The following RAD50 variants were observed in gnomAD, a reference collection of about 807,000 sequenced individuals.
RAD50 encodes the protein RAD50 double strand break repair protein, also known as DNA repair protein RAD50.
RAD50 carries 132 observed loss-of-function variants against 168.8 expected under a neutral mutation model. The ratio of observed to expected loss-of-function variants is 0.78; its 90% CI spans 0.68 to 0.90. RAD50 has a LOEUF of 0.90. Among genes scored for constraint, RAD50 ranks in the 40% least tolerant of loss-of-function variants. The pLI is 0.00. For synonymous variants in RAD50, 525 were observed against 497.4 expected, an observed-to-expected ratio of 1.06 and a Z score of -0.74; for missense variants, 1,347 against 1,534.4, an observed-to-expected ratio of 0.88 and a Z score of 2.04.
chr5:132,566,257 G>A (rs944872891), intron 2 of RAD50, among the ~76,000 whole-genome samples: 27 of 152,150 alleles, frequency 1.8e-4, no homozygotes, highest in Non-Finnish European at 2.8e-4. Context: ...GATGTTTGCC[G>A]GGTAGCTAGG....
chr5:132,575,831 A>G lies in RAD50; in HGVS notation c.268A>G (p.Asn90Asp), dbSNP rs1351371742. 6.2e-7 allele frequency: 1 copy of G among 1,602,296 alleles called. No individual in the cohort carries two copies. The highest frequency in any genetic ancestry group is 1.7e-5 in the Admixed American group (1 of 60,010). The part of the protein sequence containing the change: ...AQIRLQFRDV[N>D]GELIAVQRSM... Reference sequence around the variant, plus strand: ...GATTCGTCTGCAATTTCGTGATGTCAATGGAGAACTTATAGCTGTGCAAAG... The same window carrying G: ...GATTCGTCTGCAATTTCGTGATGTCGATGGAGAACTTATAGCTGTGCAAAG... Residue 90 changes from asparagine to aspartate, a missense_variant, in exon 3 of 25, where the codon AAT becomes GAT. By Grantham distance (23) the Asn-to-Asp change is conservative. Coordinates refer to ENST00000378823, the MANE Select transcript of RAD50 (RefSeq NM_005732.4).
chr5:132,613,909 T>G (rs1751131763), intron 19 of RAD50, among the ~76,000 whole-genome samples: 1 of 152,170 alleles, frequency 6.6e-6, no homozygotes, highest in African/African-American at 2.4e-5. Flanking sequence ...ACAATAGTTC[T>G]TTATGATAGA....
rs532712957 is a variant in RAD50 at position 132,629,218 on chromosome 5, T to C, written c.3390-7897T>C. Among the ~76,000 whole-genome samples the C allele has an allele frequency of 2.9e-4, 44 of 152,358 alleles. No homozygotes were observed. In the South Asian group the frequency reaches 5.0e-3, roughly 17 times the overall value. On this transcript the variant is annotated intron_variant, in intron 21 of 24. Coordinates refer to ENST00000378823, the MANE Select transcript of RAD50 (RefSeq NM_005732.4). ...TAAAAAAGAATTCAACAACCCTTGC[T>C]CTGCCACTTTCTTGTCAGGCTCTGG...
intron 19 of RAD50, among the ~76,000 whole-genome samples, chr5:132,614,287 A>T (rs1226009914): frequency 6.6e-6 from 1 of 152,210 alleles, no homozygotes; most frequent in Non-Finnish European, 1.5e-5. Flanking sequence ...GCAGTAGCAC[A>T]TTCCCTTGTT....
chr5:132,600,063 A>G (rs538171964), intron 13 of RAD50: 2 of 152,224 alleles, frequency 1.3e-5, no homozygotes, highest in Non-Finnish European at 2.9e-5. Flanking sequence ...CACCTTTAGA[A>G]TATGCCCTTG....
intron 21 of RAD50, among the ~76,000 whole-genome samples, chr5:132,628,849 GA>G (rs973538884): frequency 2.1e-5 from 3 of 145,312 alleles, no homozygotes; most frequent in African/African-American, 2.5e-5. Context: ...AACTGTCTCA[GA>G]AAAAAAAAAG....
In RAD50 at chr5:132,595,674, G is replaced by A. The variant is rs1750778484; in HGVS notation, c.2071G>A (p.Glu691Lys). 6.2e-7 allele frequency: 1 copy of A among 1,613,880 alleles called. No homozygotes were observed. Among genetic ancestry groups the A allele is most frequent in the Admixed American group, 1.7e-5 (1 of 60,008 alleles). Residue 691 changes from glutamate to lysine, a missense_variant, in exon 13 of 25, where the codon GAG becomes AAG. By Grantham distance (56) the Glu-to-Lys change is moderately conservative. Transcript: ENST00000378823. ...CGTTTGTCAGAGAGTTTTTCAGACA[G>A]AGGCTGAGTTACAAGAAGTCATCAG... ...CPVCQRVFQT[E>K]AELQEVISDL... is the part of the protein sequence containing the mutation.
Position 132,643,205 on chromosome 5 carries a change from AG to A in RAD50, c.*843del. On this transcript the variant is annotated 3_prime_UTR_variant, in exon 25 of 25. Coordinates refer to ENST00000378823, the MANE Select transcript of RAD50 (RefSeq NM_005732.4). ...CTCTAAGTGGGCATTGCCATGTGGA[AG>A]GCAAGCCAGGCTCACTCACAGAGTC... 1 of 363,814 alleles carries A rather than the reference AG, an allele frequency of 2.7e-6. No individual in the cohort carries two copies. The highest frequency in any genetic ancestry group is 2.7e-5 in the Admixed American group (1 of 37,178). The allele number at this position is 363,814 out of a possible 1,614,324, so 22.5% of individuals were successfully genotyped here. A position where few individuals can be genotyped will look rare whatever the true frequency, so the allele number is the denominator to read the frequency against.
intron 2 of RAD50, among the ~76,000 whole-genome samples, chr5:132,573,957 A>G (rs1452576789): frequency 6.6e-6 from 1 of 152,220 alleles, no homozygotes; most frequent in Non-Finnish European, 1.5e-5. Flanking sequence ...TTTGCAGGGT[A>G]TAGCCTCCTT....
At chr5:132,631,603 A>G (rs1245875232) in intron 21 of RAD50, among the ~76,000 whole-genome samples, 2 of 152,200 alleles carry the variant, frequency 1.3e-5, no homozygotes, top group Non-Finnish European at 2.9e-5. Context: ...CCAGACAGTC[A>G]TGGACTTTCA....
intron 21 of RAD50, among the ~76,000 whole-genome samples, chr5:132,619,837 TATATATATATATATAAAG>T (rs1403684475): frequency 7.6e-4 from 85 of 111,460 alleles, no homozygotes; most frequent in South Asian, 1.9e-3. Context: ...TCTCTCTCTC[TATATATATATATATAAAG>T]ATATATATAT....
chr5:132,586,841 C>G (rs1750602785), intron 5 of RAD50, among the ~76,000 whole-genome samples: 1 of 152,016 alleles, frequency 6.6e-6, no homozygotes, highest in Admixed American at 6.6e-5. Flanking sequence ...GCCACTCCAG[C>G]CAGGGCAACA....
chr5:132,632,877 T>A (rs1326343204), intron 21 of RAD50, among the ~76,000 whole-genome samples: 1 of 152,204 alleles, frequency 6.6e-6, no homozygotes, highest in Admixed American at 6.5e-5. Flanking sequence ...AATTTACATT[T>A]CCCTCTTTAC....
At chr5:132,577,802 ATTTTTT>A (rs923754085) in intron 3 of RAD50, among the ~76,000 whole-genome samples, 2,173 of 84,364 alleles carry the variant, frequency 0.026, 58 homozygotes, top group African/African-American at 0.12. Context: ...CCCATTTCTG[ATTTTTT>A]TTTTTTTTTT....
chr5:132,625,904 C>CT (rs1263606191), intron 21 of RAD50, among the ~76,000 whole-genome samples: 176 of 145,486 alleles, frequency 1.2e-3, no homozygotes, highest in Non-Finnish European at 1.1e-3. Context: ...ATATGAACAA[C>CT]TTTTTTTTTT....
At chr5:132,639,246 G>A (rs377142195) in intron 23 of RAD50, among the ~76,000 whole-genome samples, 2 of 151,814 alleles carry the variant, frequency 1.3e-5, no homozygotes, top group Non-Finnish European at 2.9e-5. Context: ...CCAGCTACTC[G>A]GGAGGCTGAG....
At position 132,642,517 on chromosome 5, in the gene RAD50, C is replaced by A; in HGVS notation, c.*153C>A. On this transcript the variant is annotated 3_prime_UTR_variant, in exon 25 of 25. Coordinates refer to ENST00000378823, the MANE Select transcript of RAD50 (RefSeq NM_005732.4). ...TTTGGATGTTGAGAGGTTCTAAAAT[C>A]ATGAAACTTGTTTCACTGAAAATTG... 2.7e-6 allele frequency: 2 copies of A among 752,660 alleles called. No homozygotes were observed. The highest frequency in any genetic ancestry group is 3.5e-5 in the African/African-American group (2 of 56,582). 46.6% of individuals were successfully genotyped at this position (752,660 alleles called of 1,614,324 possible).
In RAD50 at chr5:132,642,863, A is replaced by G. The variant is rs896386849; in HGVS notation, c.*499A>G. The G allele has an allele frequency of 1.1e-5, 4 of 372,964 alleles. No homozygotes were observed. The highest frequency in any genetic ancestry group is 8.2e-5 in the African/African-American group (4 of 49,068). 23.1% of individuals were successfully genotyped at this position (372,964 alleles called of 1,614,324 possible). On this transcript the variant is annotated 3_prime_UTR_variant, in exon 25 of 25. Transcript: ENST00000378823. ...TTTGGCTCTGCTTTTAACTTTATAA[A>G]TCCAGTGACCTCTCTCTCTGGGACT...
chr5:132,599,635 G>A (rs954184813), intron 13 of RAD50, among the ~76,000 whole-genome samples: 1 of 151,930 alleles, frequency 6.6e-6, no homozygotes, highest in Admixed American at 6.6e-5. Context: ...ATAGCTCATC[G>A]AAGCCTCGAA....
Sources: allele counts gnomAD v4.1 joint callset (sites outside exome capture counted in the v4.1 genomes callset), GRCh38; gene constraint gnomAD v4.1.1; transcripts MANE v1.5; gene names NCBI Gene and HGNC (gene_info 2026-07-23, HGNC 2026-07-21).